PRTG: variants seen among roughly 807,000 people sequenced by gnomAD.
PRTG encodes immunoglobulin superfamily, DCC subclass, member 5.
PRTG carries 67 observed loss-of-function variants against 122.5 expected under a neutral mutation model. That is an observed-to-expected ratio of 0.55 (90% CI 0.45 to 0.67). The LOEUF is 0.67. Ranked by LOEUF, PRTG falls within the 30% of genes least tolerant of loss-of-function variation. The pLI is 0.00. For missense variants in PRTG, 1,435 were observed against 1,415.4 expected (o/e 1.01, Z -0.22); for synonymous variants, 554 against 501.1 (o/e 1.11, Z -1.41).
Position 55,740,687 on chromosome 15 carries a change from A to C in PRTG, c.95-3T>G. ...CAGTTCGCTAAAGCACCACACTCCT[A>C]TAAGGAAAAAAAAGGAGAACGGCAC... On this transcript the variant is annotated splice_region_variant and splice_polypyrimidine_tract_variant and intron_variant, in intron 1 of 19. Transcript: ENST00000389286. 6.3e-7 allele frequency: 1 copy of C among 1,595,100 alleles called. No homozygotes were observed. The highest frequency in any genetic ancestry group is 1.1e-5 in the South Asian group (1 of 87,456).
intron 2 of PRTG, among the ~76,000 whole-genome samples, chr15:55,698,249 C>T (rs950223368): frequency 2.6e-5 from 4 of 152,188 alleles, no homozygotes; most frequent in Non-Finnish European, 5.9e-5. Context: ...AAGCTAATAT[C>T]CAATCAGGGT....
At chr15:55,731,223 G>A (rs533551928) in intron 2 of PRTG, among the ~76,000 whole-genome samples, 1 of 148,566 alleles carries the variant, frequency 6.7e-6, no homozygotes, top group South Asian at 2.1e-4. Context: ...AGTATGTTAA[G>A]CTGGTTACAT....
chr15:55,724,882 T>G (rs753887208), intron 2 of PRTG, among the ~76,000 whole-genome samples: 4 of 152,186 alleles, frequency 2.6e-5, no homozygotes, highest in African/African-American at 9.7e-5. Flanking sequence ...CTGAGGCAAC[T>G]CATTACCATT....
intron 12 of PRTG, 126 bp from the exon 13 acceptor site, chr15:55,639,954 CATAGTG>C (rs2059280453): frequency 1.4e-6 from 2 of 1,475,586 alleles, no homozygotes; most frequent in East Asian, 4.9e-5. Context: ...ACCAGAGATT[CATAGTG>C]ATCTAGAGAT....
intron 2 of PRTG, among the ~76,000 whole-genome samples, chr15:55,727,807 A>G (rs1270449302): frequency 6.6e-6 from 1 of 152,198 alleles, no homozygotes; most frequent in African/African-American, 2.4e-5. Context: ...AAAGAAAAAA[A>G]GAAACACCCA....
intron 11 of PRTG, among the ~76,000 whole-genome samples, chr15:55,649,146 C>A (rs965561255): frequency 6.6e-6 from 1 of 151,904 alleles, no homozygotes; most frequent in Non-Finnish European, 1.5e-5. Context: ...AGTTTTGCTT[C>A]CATGTCCTCT....
Position 55,715,133 on chromosome 15 carries a change from A to G in PRTG, c.397+25249T>C, listed in dbSNP as rs557889410. Among the ~76,000 whole-genome samples, 9 of 152,344 alleles carry G rather than the reference A, an allele frequency of 5.9e-5. No individual in the cohort carries two copies. The South Asian group carries it at 1.9e-3, about 32-fold the overall frequency. On this transcript the variant is annotated intron_variant, in intron 2 of 19. Transcript: ENST00000389286. ...AGGAACTGTTAAAAGTAATGTATCTATTGTTTAATTAAGGCTACAATGACA... is the reference window on the plus strand; with the variant it reads ...AGGAACTGTTAAAAGTAATGTATCTGTTGTTTAATTAAGGCTACAATGACA...
intron 2 of PRTG, among the ~76,000 whole-genome samples, chr15:55,698,838 A>G (rs943610914): frequency 6.6e-6 from 1 of 151,308 alleles, no homozygotes; most frequent in Admixed American, 6.6e-5. Context: ...ATAGAAAAAA[A>G]GGAGCAGTAC....
At chr15:55,674,646 A>G (rs1424435076) in intron 9 of PRTG, among the ~76,000 whole-genome samples, 1 of 152,168 alleles carries the variant, frequency 6.6e-6, no homozygotes, top group Non-Finnish European at 1.5e-5. Flanking sequence ...TTTTATAAAC[A>G]CCTAAATAAG....
chr15:55,656,156 T>A, intron 11 of PRTG: 1 of 278,794 alleles, frequency 3.6e-6, no homozygotes, highest in Non-Finnish European at 7.1e-6. Flanking sequence ...TATTTAAATT[T>A]CCAAAATTGT....
chr15:55,736,497 G>T (rs1419075716), intron 2 of PRTG, among the ~76,000 whole-genome samples: 1 of 151,578 alleles, frequency 6.6e-6, no homozygotes, highest in African/African-American at 2.4e-5. Flanking sequence ...CTCACCCAAA[G>T]AACAGTTTTT....
chr15:55,689,341 A>G (rs759313448), intron 2 of PRTG, among the ~76,000 whole-genome samples: 2 of 152,234 alleles, frequency 1.3e-5, no homozygotes, highest in East Asian at 1.9e-4. Context: ...TAGCCTAATT[A>G]CTAGAAAAAA....
At chr15:55,670,764 G>A (rs2059464895) in intron 11 of PRTG, among the ~76,000 whole-genome samples, 1 of 152,100 alleles carries the variant, frequency 6.6e-6, no homozygotes, top group Admixed American at 6.5e-5. Flanking sequence ...AGCTGGGCTT[G>A]GTGGTGCATG....
intron 19 of PRTG, 48 bp downstream of exon 19, chr15:55,620,615 T>G: frequency 6.5e-7 from 1 of 1,547,950 alleles, no homozygotes; most frequent in Non-Finnish European, 8.7e-7. Flanking sequence ...AAATCATCAT[T>G]TCATATATCA....
intron 2 of PRTG, among the ~76,000 whole-genome samples, chr15:55,733,441 C>T (rs983016958): frequency 1.0e-4 from 15 of 145,348 alleles, no homozygotes; most frequent in South Asian, 6.8e-4. Flanking sequence ...AACCCACAGG[C>T]GGAGGTTGTG....
Position 55,616,788 on chromosome 15 carries a change from T to C in PRTG, c.*3224A>G, listed in dbSNP as rs2141701801. On this transcript the variant is annotated 3_prime_UTR_variant, in exon 20 of 20. Transcript: ENST00000389286. ...ATAAATACCAATATAATTGTATTGCTTTTAATTATGTAAACTTAGCCCTTT... is the reference window on the plus strand; with the variant it reads ...ATAAATACCAATATAATTGTATTGCCTTTAATTATGTAAACTTAGCCCTTT... The C allele has an allele frequency of 6.6e-6, 1 of 152,300 alleles. No individual in the cohort carries two copies. Among genetic ancestry groups the C allele is most frequent in the African/African-American group, 2.4e-5 (1 of 41,578 alleles). The allele number at this position is 152,300 out of a possible 1,614,324, so 9.4% of individuals were successfully genotyped here.
rs753481489 is a variant in PRTG, at chr15:55,620,705, C to T, written c.3156G>A (p.Lys1052=). The change falls in exon 19 of 20, where the codon AAG becomes AAA. Residue 1052 remains lysine (K), a synonymous_variant. Transcript: ENST00000389286. ...TCTTTGAGTCTTGGAAAAAAAACCA[C>T]TTTTTCTTAGAGTTGTTTTTAATTA... The part of the protein sequence containing the change: ...GPIIKNNSKK[K]WFFFQDSKKI... 6.2e-7 allele frequency: 1 copy of T among 1,602,260 alleles called. No homozygotes were observed.
At chr15:55,685,735 T>C (rs1339754826) in intron 2 of PRTG, among the ~76,000 whole-genome samples, 1 of 152,244 alleles carries the variant, frequency 6.6e-6, no homozygotes, top group Non-Finnish European at 1.5e-5. Flanking sequence ...TAATTTCTAA[T>C]AGTGTCAATA....
intron 9 of PRTG, among the ~76,000 whole-genome samples, chr15:55,675,307 A>G (rs1284912059): frequency 6.6e-6 from 1 of 152,140 alleles, no homozygotes; most frequent in African/African-American, 2.4e-5. Flanking sequence ...CAATGGGAAT[A>G]TAAGAATTTT....
Sources: allele counts gnomAD v4.1 joint callset (sites outside exome capture counted in the v4.1 genomes callset), GRCh38; gene constraint gnomAD v4.1.1; transcripts MANE v1.5; gene names NCBI Gene and HGNC (gene_info 2026-07-23, HGNC 2026-07-21).